The following MARK2 variants were observed in gnomAD, a reference collection of about 807,000 sequenced individuals.
MARK2 encodes the protein serine/threonine-protein kinase MARK2.
MARK2 carries 16 observed loss-of-function variants against 89.8 expected under a neutral mutation model. That is an observed-to-expected ratio of 0.18 (90% confidence interval 0.12 to 0.27). The LOEUF is 0.27. MARK2 is among the 10% of genes least tolerant of loss of function. MARK2 has a pLI of 1.00. For missense variants in MARK2, 621 were observed against 1,049.9 expected, an observed-to-expected ratio of 0.59 and a Z score of 5.65; for synonymous variants, 382 against 399.5, an observed-to-expected ratio of 0.96 and a Z score of 0.52.
intron 1 of MARK2, among the ~76,000 whole-genome samples, chr11:63,894,918 C>G (rs574012693): frequency 2.0e-5 from 3 of 152,216 alleles, no homozygotes; most frequent in African/African-American, 7.2e-5. Context: ...TGGGACAGCT[C>G]TGCTCCTGAG....
chr11:63,854,316 C>A (rs1292803410), intron 1 of MARK2, among the ~76,000 whole-genome samples: 2 of 151,508 alleles, frequency 1.3e-5, no homozygotes, highest in African/African-American at 4.9e-5. Flanking sequence ...TTTCTCACCT[C>A]AGCCTCCCCA....
chr11:63,888,850 G>A (rs990973670), intron 1 of MARK2: 258 of 1,309,656 alleles, frequency 2.0e-4, no homozygotes, highest in Non-Finnish European at 2.4e-4. Flanking sequence ...GGCAGCCCCC[G>A]CCCTAGGCCT....
In MARK2 at chr11:63,839,143, T is replaced by G. The variant is rs963221334; in HGVS notation, c.-364T>G. 14 of 194,030 alleles carry G rather than the reference T, an allele frequency of 7.2e-5. No homozygotes were observed. The highest frequency in any genetic ancestry group is 1.4e-4 in the Non-Finnish European group (14 of 96,840). 12.0% of individuals were successfully genotyped at this position (194,030 alleles called of 1,614,324 possible). A position where few individuals can be genotyped will look rare whatever the true frequency, so the allele number is the denominator to read the frequency against. ...TGGCGGCCATGTTGGGAGCAGCAGG[T>G]CCGGCGGCGGCTGCCTGTGTGCCGG... On this transcript the variant is annotated 5_prime_UTR_variant, in exon 1 of 19. Transcript: ENST00000402010.
chr11:63,903,403 A>T lies in MARK2; in HGVS notation c.1514+245A>T. 1.9e-6 allele frequency: 1 copy of T among 519,930 alleles called. No homozygotes were observed. Among genetic ancestry groups the T allele is most frequent in the South Asian group, 2.0e-5 (1 of 49,410 alleles). 32.2% of individuals were successfully genotyped at this position (519,930 alleles called of 1,614,324 possible). On this transcript the variant is annotated intron_variant, in intron 14 of 18. Coordinates refer to ENST00000402010, the MANE Select transcript of MARK2 (RefSeq NM_001039469.3). The surrounding 1 kb of genome is among the most constrained non-coding windows in gnomAD (Gnocchi z 5.1). ...GGCTGACCGTGGCCATCTCAGCTAC[A>T]TGCTCGCTTCTTGACCACGGCCAGG...
At position 63,910,472 on chromosome 11, in the gene MARK2, T is replaced by TGTGGGC; in HGVS notation, c.*1243_*1248dup. 6.6e-6 allele frequency: 1 copy of TGTGGGC among 152,124 alleles called. No individual in the cohort carries two copies. The allele number at this position is 152,124 out of a possible 1,614,324, so 9.4% of individuals were successfully genotyped here. A position where few individuals can be genotyped will look rare whatever the true frequency, so the allele number is the denominator to read the frequency against. ...CCAGCTTGCTACCCTCAGTGGCCAG[T>TGTGGGC]GTGGGCGTGGGCGGTTTGGGGCGCT... On this transcript the variant is annotated 3_prime_UTR_variant, in exon 19 of 19. Coordinates refer to ENST00000402010, the MANE Select transcript of MARK2 (RefSeq NM_001039469.3).
At chr11:63,888,589 C>T in intron 1 of MARK2, 3 of 1,093,136 alleles carry the variant, frequency 2.7e-6, no homozygotes, top group Non-Finnish European at 3.4e-6. Context: ...TCCCACCTTG[C>T]TTCTGGTGTG....
In MARK2 at chr11:63,904,118, G is replaced by T; in HGVS notation, c.1647G>T (p.Thr549=). 6.3e-7 allele frequency: 1 copy of T among 1,596,270 alleles called. No individual in the cohort carries two copies. The change falls in exon 15 of 19, where the codon ACG becomes ACT. Residue 549 remains threonine (T), a synonymous_variant. Coordinates refer to ENST00000402010, the MANE Select transcript of MARK2 (RefSeq NM_001039469.3). This position sits in a 1 kb window ranked among gnomAD's most constrained non-coding sequence, Gnocchi z 6.3. ...ACAAGGCCTCTGGGCTGCCCCCCAC[G>T]GAGAGTAACTGTGAGGTGCCGCGGC... ...HPNKASGLPP[T]ESNCEVPRPS...
rs1938674922 is a variant in MARK2 at position 63,875,179 on chromosome 11, G to T, written c.55-19980G>T. Among the ~76,000 whole-genome samples, 3 of 148,036 alleles carry T rather than the reference G, an allele frequency of 2.0e-5. No individual in the cohort carries two copies. In the South Asian group the frequency reaches 6.4e-4, roughly 32 times the overall value. ...TCTGTCACCCAGGCTTAAGTGCAGTGGTGCGATCTCGGCTCACTACAGCCT... is the reference window on the plus strand; with the variant it reads ...TCTGTCACCCAGGCTTAAGTGCAGTTGTGCGATCTCGGCTCACTACAGCCT... On this transcript the variant is annotated intron_variant, in intron 1 of 18. Coordinates refer to ENST00000402010, the MANE Select transcript of MARK2 (RefSeq NM_001039469.3).
At chr11:63,861,114 G>A (rs1035581377) in intron 1 of MARK2, among the ~76,000 whole-genome samples, 3 of 151,920 alleles carry the variant, frequency 2.0e-5, no homozygotes, top group African/African-American at 7.3e-5. Flanking sequence ...TTCTCTCTTC[G>A]GCTACTGGTC....
rs989617081 is a variant in MARK2 at position 63,854,269 on chromosome 11, C to T, written c.54+14709C>T. 9.9e-5 allele frequency among the ~76,000 whole-genome samples: 14 copies of T among 141,856 alleles called. No individual in the cohort carries two copies. In the East Asian group the frequency reaches 1.3e-3, roughly 14 times the overall value. The allele number at this position is 141,856 out of a possible 152,430, so 93.1% of individuals were successfully genotyped here. On this transcript the variant is annotated intron_variant, in intron 1 of 18. Coordinates refer to ENST00000402010, the MANE Select transcript of MARK2 (RefSeq NM_001039469.3). ...GGCTGGAGTGCATTGGTGCAACCTCCGCCCACTGCAACCTCTGCCTCCCGG... is the reference window on the plus strand; with the variant it reads ...GGCTGGAGTGCATTGGTGCAACCTCTGCCCACTGCAACCTCTGCCTCCCGG...
chr11:63,840,235 G>T (rs2015940284), intron 1 of MARK2, among the ~76,000 whole-genome samples: 1 of 152,122 alleles, frequency 6.6e-6, no homozygotes, highest in South Asian at 2.1e-4. Flanking sequence ...CCTGGATCCT[G>T]GCGCTGGCAT....
chr11:63,881,650 C>A (rs1004976001), intron 1 of MARK2, among the ~76,000 whole-genome samples: 13 of 151,284 alleles, frequency 8.6e-5, no homozygotes, highest in African/African-American at 3.2e-4. Context: ...GGGACACAAA[C>A]AAGAAATCAA....
chr11:63,904,994 G>C lies in MARK2; in HGVS notation c.1885G>C (p.Gly629Arg), dbSNP rs1310250516. 6.2e-7 allele frequency: 1 copy of C among 1,614,188 alleles called. No homozygotes were observed. Among genetic ancestry groups the C allele is most frequent in the Non-Finnish European group, 8.5e-7 (1 of 1,180,012 alleles). ...CTCTGGCCACAGCCAGGGCCGGCGG[G>C]GGGCCTCTGGGAGCATCTTCAGCAA... ...SPSGHSQGRR[G>R]ASGSIFSKFT... Residue 629 changes from glycine to arginine, a missense_variant, in exon 16 of 19, where the codon GGG (glycine) becomes CGG (arginine). By Grantham distance (125) the Gly-to-Arg change is moderately radical. This residue lies in a region of MARK2 where 397 missense variants were observed against 567.8 expected (regional missense o/e 0.70). Transcript: ENST00000402010. The surrounding 1 kb of genome is among the most constrained non-coding windows in gnomAD (Gnocchi z 6.3).
Position 63,902,396 on chromosome 11 carries a change from G to A in MARK2, c.1234+66G>A. The A allele has an allele frequency of 6.3e-7, 1 of 1,594,772 alleles. No homozygotes were observed. Among genetic ancestry groups the A allele is most frequent in the Non-Finnish European group, 8.6e-7 (1 of 1,164,678 alleles). ...TCCAGAGAGGTTACAGGTTCTGTGG[G>A]GACTTGGGTAACACAACTAAGTTTC... On this transcript the variant is annotated intron_variant, in intron 12 of 18. Coordinates refer to ENST00000402010, the MANE Select transcript of MARK2 (RefSeq NM_001039469.3). This position sits in a 1 kb window ranked among gnomAD's most constrained non-coding sequence, Gnocchi z 4.2.
intron 1 of MARK2, among the ~76,000 whole-genome samples, chr11:63,893,267 C>T (rs1443544529): frequency 2.0e-5 from 2 of 102,090 alleles, no homozygotes; most frequent in Admixed American, 2.3e-4. Flanking sequence ...GATCCTCCTG[C>T]CTCAGCCTCC....
chr11:63,860,034 G>T (rs529444599), intron 1 of MARK2, among the ~76,000 whole-genome samples: 18 of 152,330 alleles, frequency 1.2e-4, no homozygotes, highest in Non-Finnish European at 2.1e-4. Flanking sequence ...GTTTGTAGCA[G>T]TGTGTGAACT....
rs1454507906 is a variant in MARK2 at position 63,900,675 on chromosome 11, A to G, written c.885A>G (p.Leu295=). The G allele has an allele frequency of 6.2e-7, 1 of 1,614,188 alleles. No individual in the cohort carries two copies. The highest frequency in any genetic ancestry group is 8.5e-7 in the Non-Finnish European group (1 of 1,180,004). The change falls in exon 9 of 19, where the codon TTA becomes TTG. Residue 295 remains leucine (L), a synonymous_variant. Transcript: ENST00000402010. The surrounding 1 kb of genome is among the most constrained non-coding windows in gnomAD (Gnocchi z 4.7). ...LILNPSKRGT[L]EQIMKDRWMN... ...TTAATCCCAGCAAGAGAGGCACTTT[A>G]GAGGTGAGCAGTGGAGCCCAACTGG...
At chr11:63,896,583 T>A (rs1940423727) in intron 3 of MARK2, among the ~76,000 whole-genome samples, 1 of 152,218 alleles carries the variant, frequency 6.6e-6, no homozygotes, top group African/African-American at 2.4e-5. Flanking sequence ...GAGTAAGGGC[T>A]GAGGATTGTT....
chr11:63,859,333 T>TC lies in MARK2; in HGVS notation c.54+19777dup, dbSNP rs558950625. ...CCTGTTTATTTCTTTTTTTTTTTTT[T>TC]CCCCGAGAAGGAGTCCTGCTCTGTC... On this transcript the variant is annotated intron_variant, in intron 1 of 18. Coordinates refer to ENST00000402010, the MANE Select transcript of MARK2 (RefSeq NM_001039469.3). 7.3e-3 allele frequency among the ~76,000 whole-genome samples: 1,106 copies of TC among 151,498 alleles called. 9 individuals are homozygous for TC. Among genetic ancestry groups the TC allele is most frequent in the Non-Finnish European group, 0.012 (787 of 67,778 alleles).
Sources: gnomAD v4.1 joint callset for allele counts (sites outside exome capture counted in the v4.1 genomes callset) on GRCh38, gnomAD v4.1.1 for gene constraint, gnomAD v4.1.1 regional missense constraint, Gnocchi (gnomAD v3.1) non-coding constraint, MANE v1.5 for transcripts, NCBI Gene and HGNC (gene_info 2026-07-23, HGNC 2026-07-21) for gene names.